AP2A2: variants seen among roughly 807,000 people sequenced by gnomAD.
The protein encoded by AP2A2 is adaptor related protein complex 2 subunit alpha 2.
In AP2A2, 32 loss-of-function variants were observed where a neutral mutation model predicts 104.2. The ratio of observed to expected loss-of-function variants is 0.31; its 90% confidence interval spans 0.23 to 0.41. AP2A2 has a LOEUF of 0.41. AP2A2 is among the 10% of genes least tolerant of loss of function. AP2A2 has a pLI of 1.00. For missense variants in AP2A2, 912 were observed against 1,261.0 expected (o/e 0.72, Z 4.19); for synonymous variants, 539 against 533.3 (o/e 1.01, Z -0.15).
At chr11:932,781 A>G in intron 1 of AP2A2, 2 of 456,132 alleles carry the variant, frequency 4.4e-6, no homozygotes, top group Non-Finnish European at 8.8e-6. Flanking sequence ...TCTGAAGGTC[A>G]GGATCACTTT....
At chr11:980,733 G>T (rs1307945948) in intron 5 of AP2A2, among the ~76,000 whole-genome samples, 1 of 152,270 alleles carries the variant, frequency 6.6e-6, no homozygotes, top group Non-Finnish European at 1.5e-5. Context: ...AATGGAAAAG[G>T]ACTTCTCCAG....
At chr11:997,487 T>TGG (rs1855892304) in intron 14 of AP2A2, among the ~76,000 whole-genome samples, 1 of 152,188 alleles carries the variant, frequency 6.6e-6, no homozygotes, top group Non-Finnish European at 1.5e-5. Flanking sequence ...GAACCTGAAG[T>TGG]GGGTGTTAGG....
At chr11:979,283 G>T (rs1855159851) in intron 5 of AP2A2, among the ~76,000 whole-genome samples, 1 of 150,690 alleles carries the variant, frequency 6.6e-6, no homozygotes, top group African/African-American at 2.4e-5. Context: ...GGAGCCCCGT[G>T]GGGAATGACT....
At chr11:977,254 C>T in intron 5 of AP2A2, 30 bp downstream of exon 5, 1 of 1,554,016 alleles carries the variant, frequency 6.4e-7, no homozygotes, top group Non-Finnish European at 8.7e-7. Flanking sequence ...GTTCTCCCCG[C>T]TCCCCCAGGT....
chr11:935,603 G>GTTCTTTTT (rs1853428531), intron 1 of AP2A2, among the ~76,000 whole-genome samples: 2 of 77,988 alleles, frequency 2.6e-5, no homozygotes, highest in Non-Finnish European at 4.8e-5. Context: ...TGCCCGGCCA[G>GTTCTTTTT]TTTTTTTTTT....
At chr11:976,606 C>T (rs909353621) in intron 4 of AP2A2, among the ~76,000 whole-genome samples, 2 of 151,236 alleles carry the variant, frequency 1.3e-5, no homozygotes, top group East Asian at 2.0e-4. Context: ...CCCTTCCCAC[C>T]GTGTCTGTAG....
At chr11:943,666 G>A (rs938527791) in intron 1 of AP2A2, among the ~76,000 whole-genome samples, 15 of 152,092 alleles carry the variant, frequency 9.9e-5, no homozygotes, top group Non-Finnish European at 1.6e-4. Context: ...AGGTGGCAGC[G>A]GAGATGGCGA....
intron 5 of AP2A2, among the ~76,000 whole-genome samples, chr11:979,172 G>A (rs1196968383): frequency 6.6e-6 from 1 of 151,158 alleles, no homozygotes; most frequent in African/African-American, 2.4e-5. Context: ...CAGTGCAGGG[G>A]GAGGACGTCC....
intron 1 of AP2A2, among the ~76,000 whole-genome samples, chr11:927,111 G>A (rs1853145056): frequency 6.6e-6 from 1 of 152,060 alleles, no homozygotes; most frequent in South Asian, 2.1e-4. Context: ...CTGGCTCTCA[G>A]GCTGGAGCGC....
chr11:936,059 G>A (rs1256383716), intron 1 of AP2A2, among the ~76,000 whole-genome samples: 1 of 148,834 alleles, frequency 6.7e-6, no homozygotes, highest in Non-Finnish European at 1.5e-5. Context: ...CCACCACCAC[G>A]CCTGCCTAAT....
intron 1 of AP2A2, among the ~76,000 whole-genome samples, chr11:947,714 G>C (rs575413574): frequency 6.6e-6 from 1 of 152,150 alleles, no homozygotes; most frequent in East Asian, 1.9e-4. Context: ...TGTAATCCCA[G>C]CGCTTTTGGG....
In AP2A2 at chr11:1,010,199, C is replaced by T. The variant is rs144094324; in HGVS notation, c.2743-349C>T. ...CGCGTTGTTCCTTCTCACCACGTCC[C>T]GTTCTGGCGACGGACACCTGTCTCC... On this transcript the variant is annotated intron_variant, in intron 21 of 21. Coordinates refer to ENST00000448903, the MANE Select transcript of AP2A2 (RefSeq NM_012305.4). The T allele has an allele frequency of 3.5e-3, 1,687 of 486,540 alleles. 16 individuals carry two copies. The highest frequency in any genetic ancestry group is 0.029 in the African/African-American group (1,502 of 52,442). 30.1% of individuals were successfully genotyped at this position (486,540 alleles called of 1,614,324 possible). A position where few individuals can be genotyped will look rare whatever the true frequency, so the allele number is the denominator to read the frequency against.
At chr11:960,247 C>CT (rs11438619) in intron 2 of AP2A2, among the ~76,000 whole-genome samples, 74,093 of 143,926 alleles carry the variant, frequency 0.51, 19,520 homozygotes, top group Middle Eastern at 0.65. Context: ...CTTTTCTTTT[C>CT]TTTTTTTTTT....
intron 1 of AP2A2, among the ~76,000 whole-genome samples, chr11:945,611 G>C (rs1284665124): frequency 6.6e-6 from 1 of 152,150 alleles, no homozygotes; most frequent in Non-Finnish European, 1.5e-5. Flanking sequence ...GGGATTACAG[G>C]CATGAGCTAA....
chr11:976,944 C>T (rs1267802191), intron 4 of AP2A2, 151 bp from the exon 5 acceptor site: 40 of 955,846 alleles, frequency 4.2e-5, no homozygotes, highest in Non-Finnish European at 5.9e-5. Context: ...GCTGCTGCCC[C>T]CTAGGCGGCC....
chr11:1,009,038 G>C (rs200545249), intron 18 of AP2A2, 62 bp from the exon 19 acceptor site: 930 of 1,390,662 alleles, frequency 6.7e-4, no homozygotes, highest in Non-Finnish European at 8.5e-4. Context: ...GCTCTTTCCC[G>C]GTCCCTGGGG....
At chr11:1,005,429 A>T (rs1473665626) in intron 16 of AP2A2, among the ~76,000 whole-genome samples, 1 of 152,218 alleles carries the variant, frequency 6.6e-6, no homozygotes, top group Non-Finnish European at 1.5e-5. Context: ...GCAGCTGCAC[A>T]GTGTGGATGC....
intron 1 of AP2A2, among the ~76,000 whole-genome samples, chr11:951,819 C>CAAA (rs1310265966): frequency 6.6e-6 from 1 of 152,188 alleles, no homozygotes; most frequent in Non-Finnish European, 1.5e-5. Flanking sequence ...TAGCTTCCTT[C>CAAA]AAAAATTCTT....
chr11:984,669 C>T lies in AP2A2; in HGVS notation c.730C>T (p.Leu244Phe). ...SRIVTSASTD[L>F]QDYTYYFVPA... ...GATCGTGACGTCTGCATCCACAGAT[C>T]TCCAGGATTACACTTACTATTTTGT... The change falls in exon 7 of 22, where the codon CTC (leucine) becomes TTC (phenylalanine). Residue 244 changes from leucine (L) to phenylalanine (F), a missense_variant. Physicochemically the swap from Leu to Phe is conservative, Grantham distance 22 (BLOSUM62 0). This residue lies in a region of AP2A2 where 350 missense variants were observed against 487.0 expected (regional missense o/e 0.72). Transcript: ENST00000448903. 1 of 1,613,402 alleles carries T rather than the reference C, an allele frequency of 6.2e-7. No homozygotes were observed. The highest frequency in any genetic ancestry group is 1.1e-5 in the South Asian group (1 of 91,082).
Sources: allele counts gnomAD v4.1 joint callset (sites outside exome capture counted in the v4.1 genomes callset), GRCh38; gene constraint gnomAD v4.1.1; regional missense constraint gnomAD v4.1.1; transcripts MANE v1.5; gene names NCBI Gene and HGNC (gene_info 2026-07-23, HGNC 2026-07-21).